Variants in KCNH7 observed in about 807,000 individuals in gnomAD.
The protein encoded by KCNH7 is voltage-gated inwardly rectifying potassium channel KCNH7.
Under a neutral mutation model 120.8 loss-of-function variants are expected in KCNH7, and 49 were observed. The ratio of observed to expected loss-of-function variants is 0.41; its 90% CI spans 0.32 to 0.51. KCNH7 has a LOEUF of 0.51. Ranked by LOEUF, KCNH7 falls within the 20% of genes least tolerant of loss-of-function variation. KCNH7 has a pLI of 0.38. For missense variants in KCNH7, 1,097 were observed against 1,446.6 expected, an observed-to-expected ratio of 0.76 and a Z score of 3.92; for synonymous variants, 547 against 516.1, an observed-to-expected ratio of 1.06 and a Z score of -0.81.
intron 2 of KCNH7, among the ~76,000 whole-genome samples, chr2:162,714,420 T>A (rs992029420): frequency 8.5e-5 from 13 of 152,178 alleles, no homozygotes; most frequent in African/African-American, 2.9e-4. Flanking sequence ...ATAAGGTATG[T>A]ATTAAGCTGA....
At chr2:162,661,475 G>A (rs955317515) in intron 2 of KCNH7, among the ~76,000 whole-genome samples, 11 of 152,222 alleles carry the variant, frequency 7.2e-5, no homozygotes, top group East Asian at 1.9e-4. Flanking sequence ...TTTTGAGAGC[G>A]TTATTTATAT....
chr2:162,769,874 AG>A (rs1384463738), intron 2 of KCNH7, among the ~76,000 whole-genome samples: 1 of 152,104 alleles, frequency 6.6e-6, no homozygotes, highest in Non-Finnish European at 1.5e-5. Context: ...GCAAATCAGA[AG>A]GCACAGCTGT....
At chr2:162,717,624 T>A (rs1442609218) in intron 2 of KCNH7, among the ~76,000 whole-genome samples, 1 of 152,110 alleles carries the variant, frequency 6.6e-6, no homozygotes, top group East Asian at 1.9e-4. Context: ...TTGATTAAGT[T>A]GGCGTTCCTT....
intron 2 of KCNH7, among the ~76,000 whole-genome samples, chr2:162,543,187 C>T (rs2105840823): frequency 6.6e-6 from 1 of 152,044 alleles, no homozygotes; most frequent in Non-Finnish European, 1.5e-5. Flanking sequence ...GCATTATAAA[C>T]AAAAAACTGA....
In KCNH7 at chr2:162,423,546, T is replaced by TA. The variant is rs779705681; in HGVS notation, c.1955-12dup. ...TTGCATACATTAGTGCTGGATTGGA[T>TA]AAAAAACAAAGTTATCGGGGAAACT... On this transcript the variant is annotated splice_polypyrimidine_tract_variant and intron_variant, in intron 8 of 15. Coordinates refer to ENST00000332142, the MANE Select transcript of KCNH7 (RefSeq NM_033272.4). 6.8e-6 allele frequency: 11 copies of TA among 1,608,828 alleles called. No individual in the cohort carries two copies. The African/African-American group carries it at 1.3e-4, about 20-fold the overall frequency.
At chr2:162,409,402 G>A (rs1268328183) in intron 9 of KCNH7, among the ~76,000 whole-genome samples, 1 of 151,832 alleles carries the variant, frequency 6.6e-6, no homozygotes, top group Non-Finnish European at 1.5e-5. Flanking sequence ...TTACCGAGTA[G>A]GAGAGGTGAT....
chr2:162,420,679 A>G (rs1481497203), intron 9 of KCNH7, among the ~76,000 whole-genome samples: 1 of 152,200 alleles, frequency 6.6e-6, no homozygotes, highest in Non-Finnish European at 1.5e-5. Flanking sequence ...TTTTAGGTCA[A>G]TTAATACAGT....
chr2:162,802,931 T>C (rs1417346652), intron 2 of KCNH7, among the ~76,000 whole-genome samples: 5 of 151,790 alleles, frequency 3.3e-5, no homozygotes. Context: ...AGCTTCTCAG[T>C]GATACTAATC....
At chr2:162,428,902 T>C (rs904744889) in intron 8 of KCNH7, among the ~76,000 whole-genome samples, 1 of 151,836 alleles carries the variant, frequency 6.6e-6, no homozygotes, top group Admixed American at 6.6e-5. Context: ...GTATGTTTTC[T>C]TTAGACAGCA....
chr2:162,787,285 T>C (rs1272606077), intron 2 of KCNH7, among the ~76,000 whole-genome samples: 1 of 152,050 alleles, frequency 6.6e-6, no homozygotes, highest in African/African-American at 2.4e-5. Context: ...AGACTCAGGC[T>C]CCAGACTCAC....
chr2:162,447,849 C>A (rs1218479553), intron 6 of KCNH7, among the ~76,000 whole-genome samples: 5 of 151,980 alleles, frequency 3.3e-5, no homozygotes, highest in African/African-American at 1.2e-4. Flanking sequence ...AGTTAAATAA[C>A]CCCAAATGAG....
chr2:162,665,101 G>GA (rs144936134), intron 2 of KCNH7, among the ~76,000 whole-genome samples: 5,620 of 151,680 alleles, frequency 0.037, 330 homozygotes, highest in African/African-American at 0.13. Context: ...TATGAAAAGT[G>GA]AAAAAAAATT....
chr2:162,772,844 A>G (rs1391647829), intron 2 of KCNH7, among the ~76,000 whole-genome samples: 1 of 152,212 alleles, frequency 6.6e-6, no homozygotes, highest in Non-Finnish European at 1.5e-5. Flanking sequence ...TGTGTTTGAG[A>G]ATCTTATACA....
At chr2:162,737,146 C>A (rs2105402310) in intron 2 of KCNH7, among the ~76,000 whole-genome samples, 1 of 152,268 alleles carries the variant, frequency 6.6e-6, no homozygotes, top group African/African-American at 2.4e-5. Context: ...TTTCCACCTG[C>A]TTACAGAAAG....
chr2:162,418,272 C>T (rs1465622339), intron 9 of KCNH7, among the ~76,000 whole-genome samples: 3 of 152,038 alleles, frequency 2.0e-5, no homozygotes, highest in African/African-American at 7.2e-5. Context: ...CTTTATACCC[C>T]CTTTTAAATG....
rs1686598778 is a variant in KCNH7, at chr2:162,703,779, C to T, written c.307+132758G>A. Reference sequence around the variant, plus strand: ...CGGGCATCCCCTATACCATAGTCATCACAGTACTAGGAGAATAACAGAAGC... The same window carrying T: ...CGGGCATCCCCTATACCATAGTCATTACAGTACTAGGAGAATAACAGAAGC... On this transcript the variant is annotated intron_variant, in intron 2 of 15. Transcript: ENST00000332142. Among the ~76,000 whole-genome samples, 3 of 152,112 alleles carry T rather than the reference C, an allele frequency of 2.0e-5. No homozygotes were observed. The South Asian group carries it at 6.2e-4, about 32-fold the overall frequency.
chr2:162,545,421 A>AGAGG (rs1344318519), intron 2 of KCNH7, among the ~76,000 whole-genome samples: 4 of 152,058 alleles, frequency 2.6e-5, no homozygotes, highest in Non-Finnish European at 5.9e-5. Context: ...CACCCTTCTG[A>AGAGG]GAGGGAGGAA....
intron 2 of KCNH7, among the ~76,000 whole-genome samples, chr2:162,717,746 T>C (rs910638809): frequency 6.6e-6 from 1 of 152,080 alleles, no homozygotes; most frequent in African/African-American, 2.4e-5. Context: ...AGCGCCTGTT[T>C]TTCTACAGCT....
chr2:162,769,185 G>T (rs1419928357), intron 2 of KCNH7, among the ~76,000 whole-genome samples: 2 of 152,112 alleles, frequency 1.3e-5, no homozygotes, highest in African/African-American at 4.8e-5. Context: ...AGTATCTTGT[G>T]CTAGCTTGAA....
Sources: allele counts gnomAD v4.1 joint callset (sites outside exome capture counted in the v4.1 genomes callset), GRCh38; gene constraint gnomAD v4.1.1; transcripts MANE v1.5; gene names NCBI Gene and HGNC (gene_info 2026-07-23, HGNC 2026-07-21).